AUTS2: variants seen among roughly 807,000 people sequenced by gnomAD.
The protein encoded by AUTS2 is autism susceptibility gene 2 protein.
Under a neutral mutation model 112.4 loss-of-function variants are expected in AUTS2, and 17 were observed. The observed-to-expected ratio is 0.15, with a 90% CI of 0.10 to 0.23. The LOEUF (loss-of-function observed/expected upper bound fraction) is 0.23. Ranked by LOEUF, AUTS2 falls within the 10% of genes least tolerant of loss-of-function variation. The probability of loss-of-function intolerance (pLI) is 1.00; values close to 1 mark genes in which losing one functional copy is unlikely to be tolerated. For synonymous variants in AUTS2, 751 were observed against 702.7 expected, an observed-to-expected ratio of 1.07 and a Z score of -1.09; for missense variants, 1,510 against 1,701.6, an observed-to-expected ratio of 0.89 and a Z score of 1.98.
chr7:69,757,402 A>G (rs1431327524), intron 1 of AUTS2, among the ~76,000 whole-genome samples: 1 of 152,156 alleles, frequency 6.6e-6, no homozygotes, highest in Non-Finnish European at 1.5e-5. Context: ...TTTATTTTCT[A>G]TTTACATAAC....
At chr7:69,639,660 C>T (rs2129116884) in intron 1 of AUTS2, among the ~76,000 whole-genome samples, 1 of 152,340 alleles carries the variant, frequency 6.6e-6, no homozygotes, top group Non-Finnish European at 1.5e-5. Context: ...CCAAGGGCAC[C>T]TAAAGGCTTC....
At chr7:70,534,396 ATTTG>A (rs59524958) in intron 5 of AUTS2, among the ~76,000 whole-genome samples, 66,747 of 147,748 alleles carry the variant, frequency 0.45, 15,423 homozygotes, top group African/African-American at 0.55. Flanking sequence ...GGGAATATGA[ATTTG>A]TTTGTTTGTT....
chr7:70,560,491 G>T (rs909307809), intron 5 of AUTS2, among the ~76,000 whole-genome samples: 10 of 152,322 alleles, frequency 6.6e-5, no homozygotes, highest in Admixed American at 5.9e-4. Flanking sequence ...GTTGGAAATG[G>T]AGTTTTAAAA....
intron 5 of AUTS2, among the ~76,000 whole-genome samples, chr7:70,549,328 T>C (rs1169715646): frequency 6.6e-6 from 1 of 152,184 alleles, no homozygotes; most frequent in Admixed American, 6.5e-5. Context: ...CAGTTTTGCT[T>C]CTTTCTTGTC....
intron 4 of AUTS2, among the ~76,000 whole-genome samples, chr7:70,207,869 G>A (rs1810648319): frequency 6.6e-6 from 1 of 151,762 alleles, no homozygotes; most frequent in Non-Finnish European, 1.5e-5. Context: ...AAATTAGCCG[G>A]GCATGGTGGT....
At chr7:69,627,570 A>G (rs750210363) in intron 1 of AUTS2, among the ~76,000 whole-genome samples, 30 of 152,318 alleles carry the variant, frequency 2.0e-4, no homozygotes, top group Non-Finnish European at 4.0e-4. Context: ...GCAATGTAGA[A>G]AGTGGTAGGA....
intron 4 of AUTS2, among the ~76,000 whole-genome samples, chr7:70,256,742 G>GAAAACAA (rs1786894081): frequency 6.6e-6 from 1 of 152,124 alleles, no homozygotes; most frequent in Non-Finnish European, 1.5e-5. Flanking sequence ...TTTTCTGCCA[G>GAAAACAA]TTGGGTTCAT....
At chr7:70,020,581 TG>T (rs1800224671) in intron 2 of AUTS2, among the ~76,000 whole-genome samples, 1 of 152,164 alleles carries the variant, frequency 6.6e-6, no homozygotes, top group South Asian at 2.1e-4. Flanking sequence ...TTCATAGGGG[TG>T]GTTCCCTACC....
chr7:70,331,723 T>C (rs960589108), intron 4 of AUTS2, among the ~76,000 whole-genome samples: 2 of 152,170 alleles, frequency 1.3e-5, no homozygotes, highest in Non-Finnish European at 2.9e-5. Flanking sequence ...AAAAACCACA[T>C]GATTATCTCA....
intron 5 of AUTS2, among the ~76,000 whole-genome samples, chr7:70,574,536 A>ACTGT: frequency 6.6e-6 from 1 of 151,914 alleles, no homozygotes; most frequent in East Asian, 1.9e-4. Context: ...CAACGTTTGA[A>ACTGT]CTCCTGTTTT....
intron 15 of AUTS2, chr7:70,783,934 G>C (rs1341174786): frequency 6.6e-6 from 1 of 152,158 alleles, no homozygotes. Context: ...CTCTTTCTCT[G>C]TCTCCTTCCT....
At chr7:69,894,574 AGAGT>A (rs1230041605) in intron 1 of AUTS2, among the ~76,000 whole-genome samples, 1 of 152,168 alleles carries the variant, frequency 6.6e-6, no homozygotes, top group African/African-American at 2.4e-5. Flanking sequence ...AAGGAAGATA[AGAGT>A]TAGTAAGATC....
chr7:70,144,495 T>C (rs1452891299), intron 4 of AUTS2, among the ~76,000 whole-genome samples: 1 of 152,194 alleles, frequency 6.6e-6, no homozygotes, highest in South Asian at 2.1e-4. Flanking sequence ...CATGACCAAA[T>C]GGAAGCCTTA....
rs537533139 is a variant in AUTS2, at chr7:70,569,330, C to T, written c.691-129239C>T. On this transcript the variant is annotated intron_variant, in intron 5 of 18. Coordinates refer to ENST00000342771, the MANE Select transcript of AUTS2 (RefSeq NM_015570.4). ...TTGGTTCAAACCAATTATTGTTCTG[C>T]GACCATTACCATTGCCAAGAATGTA... 6.6e-5 allele frequency among the ~76,000 whole-genome samples: 10 copies of T among 152,306 alleles called. No homozygotes were observed. The South Asian group carries it at 1.4e-3, about 22-fold the overall frequency.
intron 6 of AUTS2, among the ~76,000 whole-genome samples, chr7:70,718,635 C>A (rs35607740): frequency 0.24 from 36,992 of 152,130 alleles, 4,925 homozygotes; most frequent in Middle Eastern, 0.35. Context: ...TGCACTCCAG[C>A]CTGGGCGACA....
chr7:70,272,463 A>C (rs963741546), intron 4 of AUTS2, among the ~76,000 whole-genome samples: 5 of 152,210 alleles, frequency 3.3e-5, no homozygotes, highest in African/African-American at 1.2e-4. Flanking sequence ...GGGGTATGTC[A>C]TACTGAACCT....
At chr7:70,127,721 T>G (rs1427843361) in intron 3 of AUTS2, among the ~76,000 whole-genome samples, 1 of 152,232 alleles carries the variant, frequency 6.6e-6, no homozygotes, top group African/African-American at 2.4e-5. Flanking sequence ...CAAAGTCTTA[T>G]GAGTCTAATG....
Position 69,749,268 on chromosome 7 carries a change from A to G in AUTS2, c.309+149306A>G, listed in dbSNP as rs895519379. 2.0e-5 allele frequency among the ~76,000 whole-genome samples: 3 copies of G among 152,184 alleles called. No homozygotes were observed. In the South Asian group the frequency reaches 6.2e-4, roughly 32 times the overall value. ...ATCTTTATGAACTGTAATGTATCTC[A>G]TACTGTACAAGTCACCCATTTAAAG... On this transcript the variant is annotated intron_variant, in intron 1 of 18. Coordinates refer to ENST00000342771, the MANE Select transcript of AUTS2 (RefSeq NM_015570.4).
At chr7:69,830,151 C>T (rs1334516778) in intron 1 of AUTS2, among the ~76,000 whole-genome samples, 3 of 152,104 alleles carry the variant, frequency 2.0e-5, no homozygotes, top group Non-Finnish European at 2.9e-5. Flanking sequence ...AACCAAACAG[C>T]GCATGTTCTC....
Sources: allele counts gnomAD v4.1 joint callset (sites outside exome capture counted in the v4.1 genomes callset), GRCh38; gene constraint gnomAD v4.1.1; transcripts MANE v1.5; gene names NCBI Gene and HGNC (gene_info 2026-07-23, HGNC 2026-07-21).